The following PCDHA2 variants were observed in gnomAD, a reference collection of about 807,000 sequenced individuals.
The protein encoded by PCDHA2 is protocadherin alpha 2.
Under a neutral mutation model 66.0 loss-of-function variants are expected in PCDHA2, and 58 were observed. That is an observed-to-expected ratio of 0.88 (90% CI 0.71 to 1.09). The LOEUF (loss-of-function observed/expected upper bound fraction) is 1.09, where lower values mean the gene tolerates loss of function less well. Among genes scored for constraint, PCDHA2 ranks in the 50% least tolerant of loss-of-function variants. The pLI is 0.00. For synonymous variants in PCDHA2, 634 were observed against 554.0 expected (o/e 1.14, Z -2.03); for missense variants, 1,267 against 1,242.3 (o/e 1.02, Z -0.30).
chr5:140,821,250 T>C (rs1408242957), intron 1 of PCDHA2, among the ~76,000 whole-genome samples: 3 of 152,206 alleles, frequency 2.0e-5, no homozygotes, highest in African/African-American at 7.2e-5. Context: ...AAACTTTAAC[T>C]CTTAAAAGTT....
At chr5:140,903,608 C>G (rs2070424862) in intron 1 of PCDHA2, among the ~76,000 whole-genome samples, 1 of 152,124 alleles carries the variant, frequency 6.6e-6, no homozygotes, top group African/African-American at 2.4e-5. Flanking sequence ...GCTTAATACA[C>G]ATGAATGTGC....
chr5:140,853,603 G>A (rs1358386755), intron 1 of PCDHA2: 2 of 987,254 alleles, frequency 2.0e-6, no homozygotes, highest in South Asian at 4.7e-5. Flanking sequence ...GAGAGCAAAG[G>A]GGGTGCTGTA....
intron 1 of PCDHA2, chr5:140,884,152 T>A: frequency 6.2e-7 from 1 of 1,613,450 alleles, no homozygotes; most frequent in Non-Finnish European, 8.5e-7. Context: ...GGCTGTACAC[T>A]GGCGAGATCA....
chr5:140,934,822 T>C (rs2090051776), intron 1 of PCDHA2, among the ~76,000 whole-genome samples: 1 of 152,218 alleles, frequency 6.6e-6, no homozygotes. Flanking sequence ...ATGCTAACTT[T>C]GGCAAGTTGG....
chr5:140,917,485 C>T (rs191372458), intron 1 of PCDHA2, among the ~76,000 whole-genome samples: 1 of 152,326 alleles, frequency 6.6e-6, no homozygotes, highest in Admixed American at 6.5e-5. Flanking sequence ...TTGCCAGGGC[C>T]TATGCCCAGA....
In PCDHA2 at chr5:140,823,864, G is replaced by C. The variant is rs1317473064; in HGVS notation, c.2388+26512G>C. 4 of 1,613,766 alleles carry C rather than the reference G, an allele frequency of 2.5e-6. No homozygotes were observed. The highest frequency in any genetic ancestry group is 4.5e-5 in the East Asian group (2 of 44,878). ...CGAGGCTGCCCTGGTGGATGTCAAC[G>C]TGTACCTGATCATCGCCATCTGTGC... On this transcript the variant is annotated intron_variant, in intron 1 of 3. Coordinates refer to ENST00000526136, the MANE Select transcript of PCDHA2 (RefSeq NM_018905.3).
chr5:140,835,632 A>G (rs2150240011), intron 1 of PCDHA2: 1 of 1,613,722 alleles, frequency 6.2e-7, no homozygotes. Flanking sequence ...GGACCGCGAG[A>G]GTGTGTCCGC....
In PCDHA2 at chr5:141,010,844, A is replaced by T. The variant is rs1286149629; in HGVS notation, c.*907A>T. ...TGTTTGTTGTTTCATAGATTTATTT[A>T]AAAAAAGAGAAAGTCTATAGCTATA... On this transcript the variant is annotated 3_prime_UTR_variant, in exon 4 of 4. Coordinates refer to ENST00000526136, the MANE Select transcript of PCDHA2 (RefSeq NM_018905.3). The T allele has an allele frequency of 1.3e-5, 2 of 153,756 alleles. No homozygotes were observed. The highest frequency in any genetic ancestry group is 2.9e-5 in the Non-Finnish European group (2 of 68,056). 9.5% of individuals were successfully genotyped at this position (153,756 alleles called of 1,614,324 possible).
intron 1 of PCDHA2, chr5:140,808,558 G>A: frequency 6.2e-7 from 1 of 1,614,114 alleles, no homozygotes; most frequent in Non-Finnish European, 8.5e-7. Context: ...CGTTCGCGCA[G>A]CCCGAGTACA....
At chr5:140,843,830 T>C (rs2150193091) in intron 1 of PCDHA2, 2 of 1,116,788 alleles carry the variant, frequency 1.8e-6, no homozygotes, top group East Asian at 2.4e-5. Flanking sequence ...TTAAACATTG[T>C]TTAGTTTTTA....
intron 1 of PCDHA2, chr5:140,969,265 A>T: frequency 1.9e-6 from 3 of 1,614,250 alleles, no homozygotes; most frequent in Non-Finnish European, 2.5e-6. Flanking sequence ...GGAATCTCAC[A>T]GGCCAAAGTG....
chr5:140,858,650 T>G, intron 1 of PCDHA2: 2 of 822,762 alleles, frequency 2.4e-6, no homozygotes, highest in South Asian at 3.9e-5. Context: ...GGTACTTAAA[T>G]TTTTTTAAAT....
chr5:140,984,042 T>C (rs2097082521), intron 3 of PCDHA2, among the ~76,000 whole-genome samples: 1 of 152,148 alleles, frequency 6.6e-6, no homozygotes, highest in Non-Finnish European at 1.5e-5. Flanking sequence ...ATAAAATAGT[T>C]CATTGACAAA....
At chr5:140,809,680 CT>C (rs1439058866) in intron 1 of PCDHA2, 58 of 1,338,236 alleles carry the variant, frequency 4.3e-5, no homozygotes, top group Non-Finnish European at 5.4e-5. Context: ...AATTTTACCT[CT>C]TTTTACATAT....
chr5:140,907,782 G>A (rs1285928394), intron 1 of PCDHA2, among the ~76,000 whole-genome samples: 1 of 152,158 alleles, frequency 6.6e-6, no homozygotes, highest in African/African-American at 2.4e-5. Flanking sequence ...AGGGGTGGCT[G>A]GGGAAAGAGG....
chr5:140,892,219 A>T (rs1248122428), intron 1 of PCDHA2, among the ~76,000 whole-genome samples: 2 of 152,118 alleles, frequency 1.3e-5, no homozygotes, highest in Non-Finnish European at 2.9e-5. Flanking sequence ...TTGTATCTTT[A>T]TGGTGTTTTG....
intron 1 of PCDHA2, chr5:140,801,986 C>T (rs1026023655): frequency 6.2e-7 from 1 of 1,614,004 alleles, no homozygotes; most frequent in African/African-American, 1.3e-5. Context: ...TAGTGGTGAC[C>T]GTTAACGCCA....
intron 1 of PCDHA2, chr5:140,869,064 A>G (rs782442864): frequency 1.9e-6 from 3 of 1,559,452 alleles, no homozygotes; most frequent in East Asian, 4.5e-5. Flanking sequence ...TGGTACTGTA[A>G]GTGTAAAGAA....
chr5:140,905,722 T>A (rs1326323051), intron 1 of PCDHA2, among the ~76,000 whole-genome samples: 1 of 152,206 alleles, frequency 6.6e-6, no homozygotes, highest in Non-Finnish European at 1.5e-5. Context: ...AGCAGTGTTT[T>A]GTAGTTTTCC....
Sources: gnomAD v4.1 joint callset for allele counts (sites outside exome capture counted in the v4.1 genomes callset) on GRCh38, gnomAD v4.1.1 for gene constraint, MANE v1.5 for transcripts, NCBI Gene and HGNC (gene_info 2026-07-23, HGNC 2026-07-21) for gene names.